The following ZNF546 variants were observed in gnomAD, a reference collection of about 807,000 sequenced individuals.
The protein encoded by ZNF546 is CTC-471F3.6.
In ZNF546, 60 loss-of-function variants were observed where a neutral mutation model predicts 76.2. That is an observed-to-expected ratio of 0.79 (90% CI 0.64 to 0.98). ZNF546 has a LOEUF of 0.98. ZNF546 is among the 50% of genes least tolerant of loss of function. The probability of loss-of-function intolerance (pLI) is 0.00; values close to 1 mark genes in which losing one functional copy is unlikely to be tolerated. For synonymous variants in ZNF546, 277 were observed against 328.1 expected (o/e 0.84, Z 1.68); for missense variants, 936 against 1,035.6 (o/e 0.90, Z 1.32).
chr19:40,007,451 T>C (rs1971618968), intron 5 of ZNF546, 51 bp downstream of exon 5: 3 of 1,474,850 alleles, frequency 2.0e-6, no homozygotes, highest in African/African-American at 1.4e-5. Flanking sequence ...AGTATCAGCT[T>C]TCTCCACTGT....
At position 40,020,718 on chromosome 19, in the gene ZNF546, C is replaced by G. The variant is rs1226691728; in HGVS notation, c.*4937C>G. Reference sequence around the variant, plus strand: ...ACTAAGGAAGTCTCATTCAGAATATCTAATATTTTGGATGTGAGCCCACAC... The same window carrying G: ...ACTAAGGAAGTCTCATTCAGAATATGTAATATTTTGGATGTGAGCCCACAC... On this transcript the variant is annotated 3_prime_UTR_variant, in exon 7 of 7. Coordinates refer to ENST00000347077, the MANE Select transcript of ZNF546 (RefSeq NM_178544.5). 2 of 152,030 alleles carry G rather than the reference C, an allele frequency of 1.3e-5. No individual in the cohort carries two copies. The highest frequency in any genetic ancestry group is 2.9e-5 in the Non-Finnish European group (2 of 67,982). 9.4% of individuals were successfully genotyped at this position (152,030 alleles called of 1,614,324 possible).
intron 6 of ZNF546, among the ~76,000 whole-genome samples, chr19:40,012,816 C>CTTT (rs879507609): frequency 1.4e-5 from 2 of 141,572 alleles, no homozygotes; most frequent in Non-Finnish European, 3.1e-5. Context: ...TTTTACCATT[C>CTTT]TTTTTTTTTT....
chr19:40,013,167 A>G (rs1303293142), intron 6 of ZNF546, among the ~76,000 whole-genome samples: 5 of 152,178 alleles, frequency 3.3e-5, no homozygotes, highest in Non-Finnish European at 5.9e-5. Context: ...GCCTTCTTTT[A>G]AATTGCACTA....
At position 40,007,337 on chromosome 19, in the gene ZNF546, G is replaced by T. The variant is rs768603624; in HGVS notation, c.235G>T (p.Ala79Ser). 6.2e-7 allele frequency: 1 copy of T among 1,607,420 alleles called. No individual in the cohort carries two copies. Among genetic ancestry groups the T allele is most frequent in the Non-Finnish European group, 8.5e-7 (1 of 1,176,044 alleles). Reference sequence around the variant, plus strand: ...CCAAGAGGAGTGGGAGTGCCTGGACGCTGTGCAGAGGGACTTGTACAAGGA... The same window carrying T: ...CCAAGAGGAGTGGGAGTGCCTGGACTCTGTGCAGAGGGACTTGTACAAGGA... ...LSQEEWECLD[A>S]VQRDLYKDVM... is the part of the protein sequence containing the mutation. The change falls in exon 5 of 7, where the codon GCT (alanine) becomes TCT (serine). Residue 79 changes from alanine to serine, a missense_variant. Transcript: ENST00000347077.
Position 40,017,842 on chromosome 19 carries a change from A to T in ZNF546, c.*2061A>T, listed in dbSNP as rs914601998. 10 of 152,296 alleles carry T rather than the reference A, an allele frequency of 6.6e-5. No individual in the cohort carries two copies. Among genetic ancestry groups the T allele is most frequent in the South Asian group, 2.1e-4 (1 of 4,828 alleles). The allele number at this position is 152,296 out of a possible 1,614,324, so 9.4% of individuals were successfully genotyped here. A position where few individuals can be genotyped will look rare whatever the true frequency, so the allele number is the denominator to read the frequency against. ...TTGTGTTCATTCTTTTCATTTGTGTAAACAATGCTTTTCATAGGTTATTTT... is the reference window on the plus strand; with the variant it reads ...TTGTGTTCATTCTTTTCATTTGTGTTAACAATGCTTTTCATAGGTTATTTT... On this transcript the variant is annotated 3_prime_UTR_variant, in exon 7 of 7. Coordinates refer to ENST00000347077, the MANE Select transcript of ZNF546 (RefSeq NM_178544.5).
chr19:40,003,237 C>T (rs1971554625), intron 3 of ZNF546, among the ~76,000 whole-genome samples: 1 of 150,364 alleles, frequency 6.7e-6, no homozygotes, highest in African/African-American at 2.4e-5. Context: ...CGGGGTTTCA[C>T]GTTGTTAGCC....
Position 39,997,877 on chromosome 19 carries a change from G to A in ZNF546, c.-118G>A, listed in dbSNP as rs1213775102. ...TCAAAACAGGGATCCTGAAAAGGAG[G>A]GAACAATTGTTGTAGCAGGTCTAAA... On this transcript the variant is annotated 5_prime_UTR_variant, in exon 2 of 7. Coordinates refer to ENST00000347077, the MANE Select transcript of ZNF546 (RefSeq NM_178544.5). The A allele has an allele frequency of 6.3e-6, 1 of 158,660 alleles. No individual in the cohort carries two copies. Among genetic ancestry groups the A allele is most frequent in the Non-Finnish European group, 1.4e-5 (1 of 71,846 alleles). 9.8% of individuals were successfully genotyped at this position (158,660 alleles called of 1,614,324 possible). A position where few individuals can be genotyped will look rare whatever the true frequency, so the allele number is the denominator to read the frequency against.
At chr19:40,000,993 T>A (rs1971522128) in intron 3 of ZNF546, among the ~76,000 whole-genome samples, 2 of 149,700 alleles carry the variant, frequency 1.3e-5, no homozygotes, top group Non-Finnish European at 3.0e-5. Context: ...CATCTTGGGG[T>A]GATGGGAGGC....
In ZNF546 at chr19:40,014,015, G is replaced by C; in HGVS notation, c.745G>C (p.Glu249Gln). 1 of 1,612,332 alleles carries C rather than the reference G, an allele frequency of 6.2e-7. No individual in the cohort carries two copies. The highest frequency in any genetic ancestry group is 8.5e-7 in the Non-Finnish European group (1 of 1,178,766). ...TGGTGAGAGACCCTATAAATGTATG[G>C]AATGTGGAAAGGCCTTTTGTCGAGT... ...HTGERPYKCMECGKAFCRVGD... is the reference protein window; with the variant it reads ...HTGERPYKCMQCGKAFCRVGD... The change falls in exon 7 of 7, where the codon GAA (glutamate) becomes CAA (glutamine). Residue 249 changes from glutamate to glutamine, a missense_variant. By Grantham distance (29) the Glu-to-Gln change is conservative. Transcript: ENST00000347077.
chr19:40,014,818 C>T lies in ZNF546; in HGVS notation c.1548C>T (p.Tyr516=), dbSNP rs764707492. 1 of 1,611,328 alleles carries T rather than the reference C, an allele frequency of 6.2e-7. No individual in the cohort carries two copies. The highest frequency in any genetic ancestry group is 8.5e-7 in the Non-Finnish European group (1 of 1,179,322). Residue 516 remains tyrosine, a synonymous_variant, in exon 7 of 7, where the codon TAC becomes TAT. Coordinates refer to ENST00000347077, the MANE Select transcript of ZNF546 (RefSeq NM_178544.5). The part of the protein sequence containing the change: ...FSSRYHLTQH[Y]RIHTGEKPYI... ...GTCGCTATCATCTCACTCAACACTA[C>T]AGAATTCATACTGGTGAGAAACCCT...
At position 40,015,180 on chromosome 19, in the gene ZNF546, A is replaced by G; in HGVS notation, c.1910A>G (p.Tyr637Cys). 1 of 1,614,104 alleles carries G rather than the reference A, an allele frequency of 6.2e-7. No individual in the cohort carries two copies. The highest frequency in any genetic ancestry group is 8.5e-7 in the Non-Finnish European group (1 of 1,180,026). The change falls in exon 7 of 7, where the codon TAT becomes TGT. Residue 637 changes from tyrosine to cysteine, a missense_variant. Physicochemically the swap from Tyr to Cys is radical, Grantham distance 194. Coordinates refer to ENST00000347077, the MANE Select transcript of ZNF546 (RefSeq NM_178544.5). ...HHRIHTGEKPYKCTECGKAFI... is the reference protein window; with the variant it reads ...HHRIHTGEKPCKCTECGKAFI... The stretch of plus-strand genomic sequence containing the variant: ...AGAATTCATACTGGTGAAAAACCCT[A>G]TAAATGTACAGAATGTGGGAAGGCC...
rs1971800924 is a variant in ZNF546 at position 40,018,061 on chromosome 19, C to G, written c.*2280C>G. 6.7e-6 allele frequency: 1 copy of G among 149,906 alleles called. No individual in the cohort carries two copies. Among genetic ancestry groups the G allele is most frequent in the East Asian group, 2.0e-4 (1 of 5,122 alleles). 9.3% of individuals were successfully genotyped at this position (149,906 alleles called of 1,614,324 possible). On this transcript the variant is annotated 3_prime_UTR_variant, in exon 7 of 7. Transcript: ENST00000347077. ...CGATCTTGGCTCACTGCAAGCTCCG[C>G]CTCCCGGGTTCAGGCAATTCTGCCT...
Position 40,020,037 on chromosome 19 carries a change from T to C in ZNF546, c.*4256T>C, listed in dbSNP as rs1345080157. ...AATACTTCCAACCAGGTGGCAGTCA[T>C]CAAGCAGTTTTGTGAAAAGCCTTCC... On this transcript the variant is annotated 3_prime_UTR_variant, in exon 7 of 7. Transcript: ENST00000347077. 6.6e-6 allele frequency: 1 copy of C among 152,210 alleles called. No homozygotes were observed. Among genetic ancestry groups the C allele is most frequent in the Non-Finnish European group, 1.5e-5 (1 of 68,012 alleles). 9.4% of individuals were successfully genotyped at this position (152,210 alleles called of 1,614,324 possible). A position where few individuals can be genotyped will look rare whatever the true frequency, so the allele number is the denominator to read the frequency against.
rs1189469386 is a variant in ZNF546 at position 39,997,079 on chromosome 19, G to C, written c.-213G>C. On this transcript the variant is annotated 5_prime_UTR_variant, in exon 1 of 7. Transcript: ENST00000347077. Reference sequence around the variant, plus strand: ...TTGGGCAGTGTTGCCTGGACCCCAAGGGCCCTTTACATTGCGTTCTTAACG... The same window carrying C: ...TTGGGCAGTGTTGCCTGGACCCCAACGGCCCTTTACATTGCGTTCTTAACG... The C allele has an allele frequency of 6.6e-6, 1 of 152,308 alleles. No individual in the cohort carries two copies. The highest frequency in any genetic ancestry group is 1.5e-5 in the Non-Finnish European group (1 of 68,086). 9.4% of individuals were successfully genotyped at this position (152,308 alleles called of 1,614,324 possible).
In ZNF546 at chr19:40,008,462, A is replaced by G; in HGVS notation, c.299-8A>G. 2 of 1,560,434 alleles carry G rather than the reference A, an allele frequency of 1.3e-6. No individual in the cohort carries two copies. Among genetic ancestry groups the G allele is most frequent in the Non-Finnish European group, 8.7e-7 (1 of 1,145,744 alleles). ...TATAACATGTGTCATTTCTTTTCTCATGAGCAGGATATACCATTCCTAAGC... is the reference window on the plus strand; with the variant it reads ...TATAACATGTGTCATTTCTTTTCTCGTGAGCAGGATATACCATTCCTAAGC... On this transcript the variant is annotated splice_region_variant and splice_polypyrimidine_tract_variant and intron_variant, in intron 5 of 6. Transcript: ENST00000347077.
chr19:40,005,075 G>A (rs1040201746), intron 3 of ZNF546, among the ~76,000 whole-genome samples: 2 of 128,676 alleles, frequency 1.6e-5, no homozygotes, highest in Non-Finnish European at 3.1e-5. Flanking sequence ...TTGGAGTGCA[G>A]TGGCGCGATT....
intron 2 of ZNF546, among the ~76,000 whole-genome samples, 158 bp downstream of exon 2, chr19:39,998,073 A>G (rs537374745): frequency 4.5e-4 from 68 of 152,356 alleles, no homozygotes; most frequent in Non-Finnish European, 7.3e-5. Context: ...GCTCACAGTC[A>G]CAAAAATCAC....
At chr19:39,998,584 C>G in intron 3 of ZNF546, 174 bp downstream of exon 3, 1 of 571,910 alleles carries the variant, frequency 1.7e-6, no homozygotes. Context: ...ATAATGGTCG[C>G]CTGCTTTTAA....
intron 4 of ZNF546, among the ~76,000 whole-genome samples, chr19:40,006,395 C>T (rs1971602859): frequency 6.6e-6 from 1 of 152,158 alleles, no homozygotes; most frequent in Non-Finnish European, 1.5e-5. Context: ...ACATTGTCTT[C>T]CATGTCAGCC....
Sources: gnomAD v4.1 joint callset for allele counts (sites outside exome capture counted in the v4.1 genomes callset) on GRCh38, gnomAD v4.1.1 for gene constraint, MANE v1.5 for transcripts, NCBI Gene and HGNC (gene_info 2026-07-23, HGNC 2026-07-21) for gene names.